Variants in PRPH observed in about 807,000 individuals in gnomAD.
PRPH encodes peripherin.
In PRPH, 48 loss-of-function variants were observed where a neutral mutation model predicts 52.6. The observed-to-expected ratio is 0.91, with a 90% CI of 0.72 to 1.16. PRPH has a LOEUF of 1.16. Among genes scored for constraint, PRPH ranks in the 50% most tolerant of loss-of-function variants. The pLI, the probability that PRPH is intolerant of heterozygous loss-of-function variation, is 0.00. For missense variants in PRPH, 579 were observed against 635.7 expected (o/e 0.91, Z 0.96); for synonymous variants, 279 against 283.8 (o/e 0.98, Z 0.17).
In PRPH at chr12:49,298,442, C is replaced by A; in HGVS notation, c.*89C>A. On this transcript the variant is annotated 3_prime_UTR_variant, in exon 9 of 9. Transcript: ENST00000257860. ...TCCTGAATTGTCTCCTCTCCCTCTG[C>A]ATGTGTCTAAAAGGTGGTACCAGGC... The A allele has an allele frequency of 7.1e-7, 1 of 1,417,350 alleles. No homozygotes were observed. Among genetic ancestry groups the A allele is most frequent in the Non-Finnish European group, 9.9e-7 (1 of 1,010,942 alleles). 87.8% of individuals were successfully genotyped at this position (1,417,350 alleles called of 1,614,324 possible).
rs746248640 is a variant in PRPH, at chr12:49,296,518, G to T, written c.693G>T (p.Leu231=). The T allele has an allele frequency of 3.7e-6, 6 of 1,614,074 alleles. No homozygotes were observed. The South Asian group carries it at 4.4e-5, about 12-fold the overall frequency. Reference sequence around the variant, plus strand: ...ATGAGATTGAGTTCCTCAAGAAGCTGCACGAGGAGGTAAGTGGGCCCGGTA... The same window carrying T: ...ATGAGATTGAGTTCCTCAAGAAGCTTCACGAGGAGGTAAGTGGGCCCGGTA... ...LMDEIEFLKK[L]HEEELRDLQV... The change falls in exon 3 of 9, where the codon CTG becomes CTT. Residue 231 remains leucine (L), a synonymous_variant. Transcript: ENST00000257860. This position sits in a 1 kb window ranked among gnomAD's most constrained non-coding sequence, Gnocchi z 5.1.
In PRPH at chr12:49,297,753, C is replaced by T. The variant is rs756723669; in HGVS notation, c.1267+27C>T. 1.2e-6 allele frequency: 2 copies of T among 1,611,660 alleles called. No homozygotes were observed. Among genetic ancestry groups the T allele is most frequent in the South Asian group, 2.2e-5 (2 of 91,076 alleles). On this transcript the variant is annotated intron_variant, in intron 7 of 8. Transcript: ENST00000257860. This position sits in a 1 kb window ranked among gnomAD's most constrained non-coding sequence, Gnocchi z 4.4. ...TGAGTCTGGCTTACAGCCTGTACCT[C>T]TCCTTGTCCACTTCTGCCCTCCTCG...
chr12:49,296,791 C>T lies in PRPH; in HGVS notation c.703-98C>T. 2 of 1,523,170 alleles carry T rather than the reference C, an allele frequency of 1.3e-6. No homozygotes were observed. The highest frequency in any genetic ancestry group is 1.2e-5 in the South Asian group (1 of 83,716). The allele number at this position is 1,523,170 out of a possible 1,614,324, so 94.4% of individuals were successfully genotyped here. ...GCCCTGCCCTCCCTGGCGCCCACTTCTGTTCGTTCAAGCGTTTCTTCTCTT... is the reference window on the plus strand; with the variant it reads ...GCCCTGCCCTCCCTGGCGCCCACTTTTGTTCGTTCAAGCGTTTCTTCTCTT... On this transcript the variant is annotated intron_variant, in intron 3 of 8. Coordinates refer to ENST00000257860, the MANE Select transcript of PRPH (RefSeq NM_006262.4). This position sits in a 1 kb window ranked among gnomAD's most constrained non-coding sequence, Gnocchi z 5.1.
chr12:49,295,418 T>C lies in PRPH; in HGVS notation c.218T>C (p.Leu73Pro). 1 of 1,605,224 alleles carries C rather than the reference T, an allele frequency of 6.2e-7. No homozygotes were observed. Among genetic ancestry groups the C allele is most frequent in the Non-Finnish European group, 8.5e-7 (1 of 1,176,696 alleles). The change falls in exon 1 of 9, where the codon CTG (leucine) becomes CCG (proline). Residue 73 changes from leucine (L) to proline (P), a missense_variant. Leu to Pro is a moderately conservative substitution (Grantham distance 98). Transcript: ENST00000257860. ...GCGGGAGCGGGCGCCCTCCTGCGCCTGCCCTCGGAGCGCCTCGACTTCTCC... is the reference window on the plus strand; with the variant it reads ...GCGGGAGCGGGCGCCCTCCTGCGCCCGCCCTCGGAGCGCCTCGACTTCTCC... ...PRAGAGALLR[L>P]PSERLDFSMA... is the part of the protein sequence containing the mutation.
chr12:49,296,748 G>C lies in PRPH; in HGVS notation c.703-141G>C. ...ACCTGGCCTCTGGTCTCGCGCCCGCGGGGGCGCAGGGCTGTACGCCCTGCC... is the reference window on the plus strand; with the variant it reads ...ACCTGGCCTCTGGTCTCGCGCCCGCCGGGGCGCAGGGCTGTACGCCCTGCC... On this transcript the variant is annotated intron_variant, in intron 3 of 8. Coordinates refer to ENST00000257860, the MANE Select transcript of PRPH (RefSeq NM_006262.4). The surrounding 1 kb of genome is among the most constrained non-coding windows in gnomAD (Gnocchi z 5.1). 3.7e-6 allele frequency: 5 copies of C among 1,356,078 alleles called. No homozygotes were observed. Among genetic ancestry groups the C allele is most frequent in the Admixed American group, 2.3e-5 (1 of 43,834 alleles). The allele number at this position is 1,356,078 out of a possible 1,614,324, so 84.0% of individuals were successfully genotyped here.
At position 49,297,993 on chromosome 12, in the gene PRPH, CG is replaced by C. The variant is rs1943212148; in HGVS notation, c.1305del (p.Lys436ArgfsTer4). On this transcript the variant is annotated frameshift_variant, in exon 8 of 9. Coordinates refer to ENST00000257860, the MANE Select transcript of PRPH (RefSeq NM_006262.4). LOFTEE classifies it high-confidence loss of function. This position sits in a 1 kb window ranked among gnomAD's most constrained non-coding sequence, Gnocchi z 4.4. Reference sequence around the variant, plus strand: ...GGAGCCTCCCCAGGACAGCCACAGCCGGAAGACGGTTCTGATCAAGACCATT... The same window carrying C: ...GGAGCCTCCCCAGGACAGCCACAGCCGAAGACGGTTCTGATCAAGACCATT... ...EVEPPQDSHS[R>X]KTVLIKTIET... 1 of 1,614,062 alleles carries C rather than the reference CG, an allele frequency of 6.2e-7. No individual in the cohort carries two copies. Among genetic ancestry groups the C allele is most frequent in the Non-Finnish European group, 8.5e-7 (1 of 1,180,048 alleles).
rs778359420 is a variant in PRPH, at chr12:49,295,337, T to C, written c.137T>C (p.Leu46Pro). The change falls in exon 1 of 9, where the codon CTG (leucine) becomes CCG (proline). Residue 46 changes from leucine (L) to proline (P), a missense_variant. Physicochemically the swap from Leu to Pro is moderately conservative, Grantham distance 98 (BLOSUM62 -3). Transcript: ENST00000257860. ...SSSRFSSSRL[L>P]GSASPSSSVR... Reference sequence around the variant, plus strand: ...TCCCGCTTCTCCAGCAGCCGCCTGCTGGGCTCCGCGTCCCCGAGCTCCTCG... The same window carrying C: ...TCCCGCTTCTCCAGCAGCCGCCTGCCGGGCTCCGCGTCCCCGAGCTCCTCG... 1.9e-6 allele frequency: 3 copies of C among 1,611,178 alleles called. No homozygotes were observed. In the Admixed American group the frequency reaches 5.0e-5, roughly 27 times the overall value.
chr12:49,295,710 C>T lies in PRPH; in HGVS notation c.510C>T (p.Asp170=). The T allele has an allele frequency of 6.6e-7, 1 of 1,524,778 alleles. No homozygotes were observed. Among genetic ancestry groups the T allele is most frequent in the East Asian group, 2.5e-5 (1 of 40,224 alleles). 94.5% of individuals were successfully genotyped at this position (1,524,778 alleles called of 1,614,324 possible). The change falls in exon 1 of 9, where the codon GAC becomes GAT. Residue 170 remains aspartate (D), a synonymous_variant. Coordinates refer to ENST00000257860, the MANE Select transcript of PRPH (RefSeq NM_006262.4). ...RERDRVQVER[D]GLAEDLAALK... is the part of the protein sequence containing the mutation. ...GTGACCGGGTGCAGGTGGAGCGCGA[C>T]GGGCTGGCGGAGGACCTGGCGGCGC...
Position 49,296,269 on chromosome 12 carries a change from T to G in PRPH, c.606+31T>G. On this transcript the variant is annotated intron_variant, in intron 2 of 8. Transcript: ENST00000257860. The surrounding 1 kb of genome is among the most constrained non-coding windows in gnomAD (Gnocchi z 5.1). Reference sequence around the variant, plus strand: ...TCCGAGCCCCTCTCCGAGTTCAGCCTCCCCACCGCTACCCCCGATCTCAGT... The same window carrying G: ...TCCGAGCCCCTCTCCGAGTTCAGCCGCCCCACCGCTACCCCCGATCTCAGT... 1 of 1,609,874 alleles carries G rather than the reference T, an allele frequency of 6.2e-7. No homozygotes were observed. Among genetic ancestry groups the G allele is most frequent in the Non-Finnish European group, 8.5e-7 (1 of 1,178,160 alleles).
Position 49,297,684 on chromosome 12 carries a change from G to C in PRPH, c.1225G>C (p.Val409Leu). The C allele has an allele frequency of 6.8e-6, 11 of 1,606,904 alleles. No individual in the cohort carries two copies. Among genetic ancestry groups the C allele is most frequent in the Non-Finnish European group, 9.4e-6 (11 of 1,174,284 alleles). ...AACTTGCTTCGCCTCTAGGATCTCC[G>C]TGCCCGTCCATTCTTTTGCCTCCTT... ...LLEGEESRISVPVHSFASLNI... is the reference protein window; with the variant it reads ...LLEGEESRISLPVHSFASLNI... The change falls in exon 7 of 9, where the codon GTG becomes CTG. Residue 409 changes from valine (V) to leucine (L), a missense_variant. Physicochemically the swap from Val to Leu is conservative, Grantham distance 32. Transcript: ENST00000257860. This position sits in a 1 kb window ranked among gnomAD's most constrained non-coding sequence, Gnocchi z 4.4.
intron 1 of PRPH, 73 bp downstream of exon 1, chr12:49,295,818 C>G: frequency 7.0e-7 from 1 of 1,434,358 alleles, no homozygotes; most frequent in Non-Finnish European, 9.1e-7. Context: ...GCTCTTGCCT[C>G]CCCTCGCTTC....
chr12:49,297,090 G>C lies in PRPH; in HGVS notation c.870+34G>C. On this transcript the variant is annotated intron_variant, in intron 4 of 8. Transcript: ENST00000257860. This position sits in a 1 kb window ranked among gnomAD's most constrained non-coding sequence, Gnocchi z 4.4. ...GCCGGGAGGGCCTGCGAGGCGGGAC[G>C]CTGGGGTGGTGTCGCGCGTCCCAGC... The C allele has an allele frequency of 4.3e-6, 7 of 1,613,880 alleles. No individual in the cohort carries two copies. Among genetic ancestry groups the C allele is most frequent in the Non-Finnish European group, 5.9e-6 (7 of 1,179,950 alleles).
At chr12:49,295,780 C>T in intron 1 of PRPH, 35 bp downstream of exon 1, 1 of 1,446,702 alleles carries the variant, frequency 6.9e-7, no homozygotes, top group South Asian at 1.4e-5. Flanking sequence ...GCCGTCGAGG[C>T]GAGGTCGAAG....
Position 49,295,185 on chromosome 12 carries a change from C to CCCATCCT in PRPH, c.-15_-9dup, listed in dbSNP as rs1288922035. The stretch of plus-strand genomic sequence containing the variant: ...GGCCTAGCTCTGCGAACGGTGACTG[C>CCCATCCT]CCATCCTTGGCCGCAATGAGCCACC... On this transcript the variant is annotated 5_prime_UTR_variant, in exon 1 of 9. Transcript: ENST00000257860. The CCCATCCT allele has an allele frequency of 1.9e-6, 3 of 1,609,288 alleles. No homozygotes were observed. In the Admixed American group the frequency reaches 5.0e-5, roughly 27 times the overall value.
chr12:49,295,985 A>G (rs1200808497), intron 1 of PRPH, 193 bp from the exon 2 acceptor site: 1 of 1,400,674 alleles, frequency 7.1e-7, no homozygotes, highest in Non-Finnish European at 9.6e-7. Flanking sequence ...TCCCCTGAGT[A>G]ATGAGGAAAC....
Position 49,295,429 on chromosome 12 carries a change from C to T in PRPH, c.229C>T (p.Arg77Cys), listed in dbSNP as rs749659877. The T allele has an allele frequency of 1.5e-5, 24 of 1,605,374 alleles. No individual in the cohort carries two copies. Among genetic ancestry groups the T allele is most frequent in the Non-Finnish European group, 2.0e-5 (24 of 1,176,734 alleles). ...CGCCCTCCTGCGCCTGCCCTCGGAG[C>T]GCCTCGACTTCTCCATGGCCGAGGC... ...AGALLRLPSE[R>C]LDFSMAEALN... Residue 77 changes from arginine (R) to cysteine (C), a missense_variant, in exon 1 of 9, where the codon CGC becomes TGC. Arg to Cys is a radical substitution (Grantham distance 180). Coordinates refer to ENST00000257860, the MANE Select transcript of PRPH (RefSeq NM_006262.4).
Position 49,295,613 on chromosome 12 carries a change from C to T in PRPH, c.413C>T (p.Ala138Val). 6.5e-7 allele frequency: 1 copy of T among 1,547,134 alleles called. No homozygotes were observed. The highest frequency in any genetic ancestry group is 8.7e-7 in the Non-Finnish European group (1 of 1,146,244). Residue 138 changes from alanine (A) to valine (V), a missense_variant, in exon 1 of 9, where the codon GCG becomes GTG. Coordinates refer to ENST00000257860, the MANE Select transcript of PRPH (RefSeq NM_006262.4). ...ELSQARGQEP[A>V]RADQLCQQEL... is the part of the protein sequence containing the mutation. ...AGCCAAGCCCGGGGCCAGGAGCCGGCGCGCGCCGACCAGCTGTGCCAGCAG... is the reference window on the plus strand; with the variant it reads ...AGCCAAGCCCGGGGCCAGGAGCCGGTGCGCGCCGACCAGCTGTGCCAGCAG...
rs1402365973 is a variant in PRPH at position 49,296,758 on chromosome 12, GGCTGT to G, written c.703-130_703-126del. 2 of 1,413,600 alleles carry G rather than the reference GGCTGT, an allele frequency of 1.4e-6. No individual in the cohort carries two copies. Among genetic ancestry groups the G allele is most frequent in the Admixed American group, 2.0e-5 (1 of 49,184 alleles). 87.6% of individuals were successfully genotyped at this position (1,413,600 alleles called of 1,614,324 possible). A position where few individuals can be genotyped will look rare whatever the true frequency, so the allele number is the denominator to read the frequency against. On this transcript the variant is annotated intron_variant, in intron 3 of 8. Coordinates refer to ENST00000257860, the MANE Select transcript of PRPH (RefSeq NM_006262.4). This position sits in a 1 kb window ranked among gnomAD's most constrained non-coding sequence, Gnocchi z 5.1. ...TGGTCTCGCGCCCGCGGGGGCGCAG[GGCTGT>G]ACGCCCTGCCCTCCCTGGCGCCCAC...
chr12:49,297,655 TGAC>T lies in PRPH; in HGVS notation c.1218-21_1218-19del. 1 of 1,613,410 alleles carries T rather than the reference TGAC, an allele frequency of 6.2e-7. No homozygotes were observed. Among genetic ancestry groups the T allele is most frequent in the Non-Finnish European group, 8.5e-7 (1 of 1,180,008 alleles). On this transcript the variant is annotated intron_variant, in intron 6 of 8. Transcript: ENST00000257860. The surrounding 1 kb of genome is among the most constrained non-coding windows in gnomAD (Gnocchi z 4.4). The stretch of plus-strand genomic sequence containing the variant: ...CAGGGCGGGGCCTGGGCAGGGGCGC[TGAC>T]AACTTGCTTCGCCTCTAGGATCTCC...
Sources: allele counts gnomAD v4.1 joint callset, GRCh38; gene constraint gnomAD v4.1.1; non-coding constraint Gnocchi (gnomAD v3.1); transcripts MANE v1.5; gene names NCBI Gene and HGNC (gene_info 2026-07-23, HGNC 2026-07-21).